PRKN: variants seen among roughly 807,000 people sequenced by gnomAD.
The protein encoded by PRKN is parkin RBR E3 ubiquitin protein ligase.
Under a neutral mutation model 59.5 loss-of-function variants are expected in PRKN, and 56 were observed. The observed-to-expected ratio is 0.94, with a 90% CI of 0.76 to 1.18. PRKN has a LOEUF of 1.18. Among genes scored for constraint, PRKN ranks in the 50% most tolerant of loss-of-function variants. The pLI is 0.00. For synonymous variants in PRKN, 250 were observed against 222.1 expected (o/e 1.13, Z -1.12); for missense variants, 657 against 596.4 (o/e 1.10, Z -1.06).
At chr6:162,595,549 C>T (rs1781468905) in intron 1 of PRKN, among the ~76,000 whole-genome samples, 1 of 152,106 alleles carries the variant, frequency 6.6e-6, no homozygotes, top group Non-Finnish European at 1.5e-5. Flanking sequence ...AGCCACTGCG[C>T]CTGGCTTGTT....
intron 4 of PRKN, among the ~76,000 whole-genome samples, chr6:162,064,282 G>A (rs1582978214): frequency 6.6e-6 from 1 of 152,228 alleles, no homozygotes; most frequent in African/African-American, 2.4e-5. Context: ...TAGAAAAAGA[G>A]ATAAGGGAAC....
At chr6:161,541,736 G>T (rs1312168877) in intron 9 of PRKN, among the ~76,000 whole-genome samples, 1 of 151,848 alleles carries the variant, frequency 6.6e-6, no homozygotes, top group African/African-American at 2.4e-5. Flanking sequence ...CAGGAGAATC[G>T]TTTGAACCTT....
intron 7 of PRKN, among the ~76,000 whole-genome samples, chr6:161,770,119 A>G (rs1789601803): frequency 6.6e-6 from 1 of 152,182 alleles, no homozygotes; most frequent in South Asian, 2.1e-4. Context: ...TTTTCAAATC[A>G]GAAAATTGGC....
intron 1 of PRKN, among the ~76,000 whole-genome samples, chr6:162,714,309 CCTT>C (rs1486881962): frequency 6.6e-6 from 1 of 152,198 alleles, no homozygotes; most frequent in African/African-American, 2.4e-5. Context: ...AATCAGACTT[CCTT>C]CTTTGCTTTG....
chr6:162,288,950 C>T (rs978933996), intron 2 of PRKN, among the ~76,000 whole-genome samples: 15 of 152,230 alleles, frequency 9.9e-5, no homozygotes, highest in African/African-American at 3.4e-4. Flanking sequence ...CACTTTAAGG[C>T]CATGTGAGAC....
chr6:162,713,483 G>A (rs1335074092), intron 1 of PRKN, among the ~76,000 whole-genome samples: 1 of 101,042 alleles, frequency 9.9e-6, no homozygotes, highest in Admixed American at 1.6e-4. Flanking sequence ...AACAGAGTGA[G>A]ACTCCACCTC....
intron 1 of PRKN, among the ~76,000 whole-genome samples, chr6:162,601,324 G>T (rs202054296): frequency 9.4e-6 from 1 of 106,518 alleles, no homozygotes. Context: ...TGAACTTTTG[G>T]GGGACACATT....
At chr6:161,427,445 A>G (rs1190985227) in intron 9 of PRKN, among the ~76,000 whole-genome samples, 1 of 152,194 alleles carries the variant, frequency 6.6e-6, no homozygotes, top group African/African-American at 2.4e-5. Flanking sequence ...ACCAGCTCGT[A>G]AAAGACACAG....
intron 1 of PRKN, among the ~76,000 whole-genome samples, chr6:162,714,535 T>G (rs983851797): frequency 2.0e-5 from 3 of 152,338 alleles, no homozygotes; most frequent in South Asian, 2.1e-4. Flanking sequence ...CCCCTGACTT[T>G]GGCCTGCCAT....
intron 6 of PRKN, among the ~76,000 whole-genome samples, chr6:161,934,999 G>T (rs996239400): frequency 2.6e-5 from 4 of 152,112 alleles, no homozygotes; most frequent in African/African-American, 9.7e-5. Flanking sequence ...TGCACAGGAA[G>T]AATTTTCAGA....
At chr6:162,405,838 T>G (rs1445688470) in intron 2 of PRKN, among the ~76,000 whole-genome samples, 1 of 152,034 alleles carries the variant, frequency 6.6e-6, no homozygotes, top group East Asian at 1.9e-4. Flanking sequence ...AAACCCCGAG[T>G]GATCTCAGAG....
chr6:162,478,475 C>G (rs1233421580), intron 1 of PRKN, among the ~76,000 whole-genome samples: 1 of 152,148 alleles, frequency 6.6e-6, no homozygotes, highest in Non-Finnish European at 1.5e-5. Flanking sequence ...TGAGGAGCCT[C>G]TCTCTCCTGC....
intron 7 of PRKN, among the ~76,000 whole-genome samples, chr6:161,782,157 C>G (rs1790233557): frequency 6.6e-6 from 1 of 152,068 alleles, no homozygotes; most frequent in Non-Finnish European, 1.5e-5. Flanking sequence ...AAAATGAAAA[C>G]TTAGTGTTTG....
chr6:162,708,800 T>A (rs1160114266), intron 1 of PRKN, among the ~76,000 whole-genome samples: 1 of 152,192 alleles, frequency 6.6e-6, no homozygotes, highest in Non-Finnish European at 1.5e-5. Flanking sequence ...TGGGCCTACA[T>A]ATCTTACTGC....
intron 1 of PRKN, among the ~76,000 whole-genome samples, chr6:162,542,517 A>C (rs550806935): frequency 6.6e-6 from 1 of 152,206 alleles, no homozygotes; most frequent in African/African-American, 2.4e-5. Context: ...AAGAGAGCTT[A>C]ATATTGAGAT....
intron 9 of PRKN, among the ~76,000 whole-genome samples, chr6:161,492,160 A>G (rs981586346): frequency 6.6e-6 from 1 of 152,086 alleles, no homozygotes; most frequent in Non-Finnish European, 1.5e-5. Flanking sequence ...ACCTAAATCA[A>G]TGTTAATTAT....
chr6:161,684,376 G>A (rs955893141), intron 7 of PRKN, among the ~76,000 whole-genome samples: 5 of 151,934 alleles, frequency 3.3e-5, no homozygotes, highest in African/African-American at 4.8e-5. Context: ...GTTACCCACC[G>A]TGCCCAATCT....
chr6:161,902,505 G>C lies in PRKN; in HGVS notation c.734+70797C>G, dbSNP rs184898033. ...GGTTTAGAGTCACTGGTGTGTGTGT[G>C]TAAATGTAATAGACATCCGTCTATC... On this transcript the variant is annotated intron_variant, in intron 6 of 11. Coordinates refer to ENST00000366898, the MANE Select transcript of PRKN (RefSeq NM_004562.3). Among the ~76,000 whole-genome samples, 499 of 147,132 alleles carry C rather than the reference G, an allele frequency of 3.4e-3. 2 individuals are homozygous for C. Among genetic ancestry groups the C allele is most frequent in the African/African-American group, 0.012 (469 of 39,504 alleles).
chr6:161,567,189 C>T (rs143822397), intron 8 of PRKN, among the ~76,000 whole-genome samples: 1 of 152,152 alleles, frequency 6.6e-6, no homozygotes, highest in Non-Finnish European at 1.5e-5. Flanking sequence ...CAGGCGTGCA[C>T]CACCATGCCT....
Sources: gnomAD v4.1 joint callset for allele counts (sites outside exome capture counted in the v4.1 genomes callset) on GRCh38, gnomAD v4.1.1 for gene constraint, MANE v1.5 for transcripts, NCBI Gene and HGNC (gene_info 2026-07-23, HGNC 2026-07-21) for gene names.